SNRPN: variants seen among roughly 807,000 people sequenced by gnomAD.
SNRPN encodes the protein small nuclear ribonucleoprotein polypeptide N, also known as small nuclear ribonucleoprotein-associated protein N.
Under a neutral mutation model 25.2 loss-of-function variants are expected in SNRPN, and 7 were observed. The ratio of observed to expected loss-of-function variants is 0.28; its 90% confidence interval spans 0.16 to 0.52. The LOEUF (loss-of-function observed/expected upper bound fraction) is 0.52. Ranked by LOEUF, SNRPN falls within the 20% of genes least tolerant of loss-of-function variation. The pLI, the probability that SNRPN is intolerant of heterozygous loss-of-function variation, is 0.96. For missense variants in SNRPN, 196 were observed against 322.5 expected, an observed-to-expected ratio of 0.61 and a Z score of 3.00; for synonymous variants, 124 against 110.6, an observed-to-expected ratio of 1.12 and a Z score of -0.76.
intron 3 of SNRPN, among the ~76,000 whole-genome samples, chr15:24,930,815 C>T (rs1172086770): frequency 1.3e-5 from 2 of 151,394 alleles, no homozygotes; most frequent in African/African-American, 4.9e-5. Context: ...AGGAGAATTG[C>T]TTGAACCTGG....
At chr15:24,921,927 G>A (rs963435699) in intron 3 of SNRPN, among the ~76,000 whole-genome samples, 3 of 151,654 alleles carry the variant, frequency 2.0e-5, no homozygotes, top group African/African-American at 4.9e-5. Context: ...GACCGGGCAC[G>A]GTGGCTCACG....
At chr15:24,834,151 C>G (rs1433544845) in intron 2 of SNRPN, among the ~76,000 whole-genome samples, 2 of 152,126 alleles carry the variant, frequency 1.3e-5, no homozygotes, top group Non-Finnish European at 2.9e-5. Context: ...GTCTCAAACT[C>G]CTGACCTCGT....
At chr15:24,861,180 C>A (rs1204482858) in intron 1 of SNRPN, among the ~76,000 whole-genome samples, 1 of 152,146 alleles carries the variant, frequency 6.6e-6, no homozygotes, top group Non-Finnish European at 1.5e-5. Context: ...CATGGAAATA[C>A]CTTCTGAGAA....
intron 2 of SNRPN, chr15:24,848,258 G>GGGCGGCGGCGGGGCGGGGGCGGC (rs71312669): frequency 8.1e-6 from 1 of 124,148 alleles, no homozygotes; most frequent in Non-Finnish European, 1.8e-5. Context: ...GCGGGGGCGG[G>GGGCGGCGGCGGGGCGGGGGCGGC]GGCGGGGGCG....
rs2050864758 is a variant in SNRPN at position 24,834,728 on chromosome 15, C to CTCT, written c.-579+4823_-579+4824insTCT. ...GAGTGAGACCTTGTCTCTCTCTCTC[C>CTCT]CTCTCTCTCTCTCTCTCTCTCTCTA... On this transcript the variant is annotated intron_variant, in intron 2 of 12. Transcript: ENST00000400100. 2.1e-3 allele frequency among the ~76,000 whole-genome samples: 88 copies of CTCT among 42,784 alleles called. 4 individuals are homozygous for CTCT. The highest frequency in any genetic ancestry group is 0.012 in the South Asian group (12 of 1,040). The allele number at this position is 42,784 out of a possible 152,430, so 28.1% of individuals were successfully genotyped here.
intron 2 of SNRPN, among the ~76,000 whole-genome samples, chr15:24,900,417 C>G (rs2058373799): frequency 6.6e-6 from 1 of 152,150 alleles, no homozygotes; most frequent in Non-Finnish European, 1.5e-5. Context: ...AACTGACCAT[C>G]TGGAAACAGA....
intron 2 of SNRPN, among the ~76,000 whole-genome samples, chr15:24,903,967 G>A (rs1023131983): frequency 4.0e-5 from 6 of 151,794 alleles, no homozygotes; most frequent in African/African-American, 1.4e-4. Flanking sequence ...CCAGGAGGTG[G>A]CAGTTGCAGT....
At chr15:24,901,805 T>C (rs986599665) in intron 2 of SNRPN, among the ~76,000 whole-genome samples, 5 of 152,034 alleles carry the variant, frequency 3.3e-5, no homozygotes, top group African/African-American at 1.2e-4. Flanking sequence ...GCACAGAACA[T>C]AGGAAGAAAA....
At chr15:24,847,411 C>T (rs1809140) in intron 2 of SNRPN, among the ~76,000 whole-genome samples, 28,118 of 152,096 alleles carry the variant, frequency 0.18, 2,732 homozygotes, top group South Asian at 0.21. Flanking sequence ...GAGGCCGAGG[C>T]GGGCAGATCA....
At position 24,968,065 on chromosome 15, in the gene SNRPN, A is replaced by G. The variant is rs763259089; in HGVS notation, c.-161A>G. 22 of 1,599,856 alleles carry G rather than the reference A, an allele frequency of 1.4e-5. No individual in the cohort carries two copies. Among genetic ancestry groups the G allele is most frequent in the African/African-American group, 2.7e-5 (2 of 74,600 alleles). On this transcript the variant is annotated 5_prime_UTR_variant, in exon 3 of 10. Coordinates refer to ENST00000390687, the MANE Select transcript of SNRPN (RefSeq NM_003097.6). ...CCATATTGGAGTAGCGAGGAATCTGATTCCAAGCAAAAACCAGGTTAGAGC... is the reference window on the plus strand; with the variant it reads ...CCATATTGGAGTAGCGAGGAATCTGGTTCCAAGCAAAAACCAGGTTAGAGC...
chr15:24,927,802 C>T (rs1252681141), intron 3 of SNRPN, among the ~76,000 whole-genome samples: 1 of 152,036 alleles, frequency 6.6e-6, no homozygotes, highest in Non-Finnish European at 1.5e-5. Flanking sequence ...CTCTGCCTGC[C>T]TTTGCCTTTC....
At chr15:24,847,390 C>G (rs2052302235) in intron 2 of SNRPN, among the ~76,000 whole-genome samples, 2 of 152,170 alleles carry the variant, frequency 1.3e-5, no homozygotes, top group Admixed American at 6.5e-5. Context: ...CCTGTAATCC[C>G]AACACACTGG....
intron 1 of SNRPN, chr15:24,886,372 G>A (rs1202051419): frequency 6.6e-6 from 1 of 152,196 alleles, no homozygotes; most frequent in Non-Finnish European, 1.5e-5. Context: ...GCTGTACTTA[G>A]AGTTACTTAG....
intron 1 of SNRPN, among the ~76,000 whole-genome samples, chr15:24,878,334 T>C (rs750537039): frequency 2.0e-5 from 3 of 152,152 alleles, no homozygotes; most frequent in Non-Finnish European, 4.4e-5. Context: ...GTGCCACCGT[T>C]CTGAGCGGCC....
chr15:24,960,387 T>C lies in SNRPN; in HGVS notation c.-390-1727T>C, dbSNP rs2855524. ...CAGGGTCTGGCTCTGTCACCCAGGC[T>C]GGTGTGCCAGTGGCATGATCTCAGG... On this transcript the variant is annotated intron_variant, in intron 1 of 9. Coordinates refer to ENST00000390687, the MANE Select transcript of SNRPN (RefSeq NM_003097.6). Among the ~76,000 whole-genome samples, 207 of 152,228 alleles carry C rather than the reference T, an allele frequency of 1.4e-3. 1 individual carries two copies. Among genetic ancestry groups the C allele is most frequent in the African/African-American group, 4.9e-3 (202 of 41,536 alleles).
At position 24,929,313 on chromosome 15, in the gene SNRPN, C is replaced by T. The variant is rs1344455427; in HGVS notation, c.-391+9189C>T. Among the ~76,000 whole-genome samples, 2 of 152,000 alleles carry T rather than the reference C, an allele frequency of 1.3e-5. No individual in the cohort carries two copies. The highest frequency in any genetic ancestry group is 6.6e-5 in the Admixed American group (1 of 15,262). On this transcript the variant is annotated intron_variant, in intron 3 of 11. Transcript: ENST00000400097. This position sits in a 1 kb window ranked among gnomAD's most constrained non-coding sequence, Gnocchi z 5.3. ...ACCCTCTCTCCCAGTGAGTGTCACCCCATTTCTGTTTCATCTCTTTCCCTA... is the reference window on the plus strand; with the variant it reads ...ACCCTCTCTCCCAGTGAGTGTCACCTCATTTCTGTTTCATCTCTTTCCCTA...
chr15:24,888,661 G>T (rs1399855285), intron 2 of SNRPN, among the ~76,000 whole-genome samples: 1 of 152,098 alleles, frequency 6.6e-6, no homozygotes, highest in Non-Finnish European at 1.5e-5. Context: ...CAGCCAGGGA[G>T]GCAACTATAA....
upstream of SNRPN, among the ~76,000 whole-genome samples, chr15:24,954,429 G>A (rs1490875892): frequency 6.6e-6 from 1 of 152,072 alleles, no homozygotes; most frequent in African/African-American, 2.4e-5. Flanking sequence ...TTGTGATTTT[G>A]GGGGAGATAA....
chr15:24,970,714 T>C (rs1379147313), intron 3 of SNRPN, among the ~76,000 whole-genome samples: 1 of 152,198 alleles, frequency 6.6e-6, no homozygotes, highest in Non-Finnish European at 1.5e-5. Flanking sequence ...AACGTTTTTG[T>C]TACATTGTTT....
Sources: allele counts gnomAD v4.1 joint callset (sites outside exome capture counted in the v4.1 genomes callset), GRCh38; gene constraint gnomAD v4.1.1; non-coding constraint Gnocchi (gnomAD v3.1); transcripts MANE v1.5; gene names NCBI Gene and HGNC (gene_info 2026-07-23, HGNC 2026-07-21).